The following SLC26A3 variants were observed in gnomAD, a reference collection of about 807,000 sequenced individuals.
The protein encoded by SLC26A3 is chloride anion exchanger.
Under a neutral mutation model 85.6 loss-of-function variants are expected in SLC26A3, and 64 were observed. The observed-to-expected ratio is 0.75, with a 90% CI of 0.61 to 0.92. SLC26A3 has a LOEUF of 0.92. Ranked by LOEUF, SLC26A3 falls within the 40% of genes least tolerant of loss-of-function variation. SLC26A3 has a pLI of 0.00. For synonymous variants in SLC26A3, 349 were observed against 336.0 expected, an observed-to-expected ratio of 1.04 and a Z score of -0.42; for missense variants, 922 against 927.3, an observed-to-expected ratio of 0.99 and a Z score of 0.07.
At chr7:107,770,547 C>T (rs1354723245) in intron 18 of SLC26A3, among the ~76,000 whole-genome samples, 3 of 151,988 alleles carry the variant, frequency 2.0e-5, no homozygotes, top group South Asian at 2.1e-4. Flanking sequence ...CATGAGCCAC[C>T]GCTCCCAGCC....
chr7:107,774,799 T>C lies in SLC26A3; in HGVS notation c.1751A>G (p.Gln584Arg), dbSNP rs750139993. Residue 584 changes from glutamine (Q) to arginine (R), a missense_variant, in exon 16 of 21, where the codon CAA (glutamine) becomes CGA (arginine). Gln to Arg is a conservative substitution (Grantham distance 43, BLOSUM62 1). Coordinates refer to ENST00000340010, the MANE Select transcript of SLC26A3 (RefSeq NM_000111.3). ...ALRKIRKLQKQGLLQVTPKGF... is the reference protein window; with the variant it reads ...ALRKIRKLQKRGLLQVTPKGF... ...TACTGGTGTCACTTGTAGCAAGCCT[T>C]GCTTCTGCAGTTTTCGGATTTTCCT... The C allele has an allele frequency of 6.2e-7, 1 of 1,614,118 alleles. No homozygotes were observed. The highest frequency in any genetic ancestry group is 1.3e-5 in the African/African-American group (1 of 75,074).
chr7:107,776,375 A>G (rs1794115114), intron 15 of SLC26A3, 77 bp downstream of exon 15: 1 of 1,212,202 alleles, frequency 8.2e-7, no homozygotes, highest in African/African-American at 1.5e-5. Flanking sequence ...AGTCTCAACA[A>G]TGACCTTACA....
intron 11 of SLC26A3, 60 bp downstream of exon 11, chr7:107,782,737 A>C: frequency 6.7e-7 from 1 of 1,482,300 alleles, no homozygotes; most frequent in Non-Finnish European, 9.4e-7. Flanking sequence ...TTCAGAATTT[A>C]AGAACCGGGG....
intron 20 of SLC26A3, among the ~76,000 whole-genome samples, chr7:107,766,388 A>G (rs550695603): frequency 6.6e-6 from 1 of 152,260 alleles, no homozygotes; most frequent in South Asian, 2.1e-4. Flanking sequence ...TTCTGAATAC[A>G]ATTACTGAGG....
In SLC26A3 at chr7:107,794,742, C is replaced by T. The variant is rs2237680; in HGVS notation, c.-88-145G>A. The T allele has an allele frequency of 0.4, 208,402 of 515,160 alleles. 43,778 individuals are homozygous for T. The highest frequency in any genetic ancestry group is 0.52 in the African/African-American group (27,223 of 52,046). 31.9% of individuals were successfully genotyped at this position (515,160 alleles called of 1,614,324 possible). A position where few individuals can be genotyped will look rare whatever the true frequency, so the allele number is the denominator to read the frequency against. On this transcript the variant is annotated intron_variant, in intron 1 of 20. Transcript: ENST00000340010. ...GGACCTAGATTGTGTTTTGCGACAG[C>T]GATGTTTTATTCCAGTGAGCTGGAC...
intron 3 of SLC26A3, 46 bp downstream of exon 3, chr7:107,793,696 A>G: frequency 2.8e-6 from 4 of 1,424,938 alleles, no homozygotes; most frequent in Non-Finnish European, 3.9e-6. Flanking sequence ...ACACATTCAG[A>G]GGAAGAATTT....
intron 18 of SLC26A3, among the ~76,000 whole-genome samples, chr7:107,771,527 G>A (rs145301975): frequency 6.6e-6 from 1 of 152,288 alleles, no homozygotes; most frequent in East Asian, 1.9e-4. Context: ...TTGAGAGGTA[G>A]GAGGTGAATA....
intron 1 of SLC26A3, among the ~76,000 whole-genome samples, chr7:107,800,564 T>C (rs572317822): frequency 6.6e-6 from 1 of 152,400 alleles, no homozygotes; most frequent in Admixed American, 6.5e-5. Flanking sequence ...TGTTTATGTT[T>C]CTGTTCCCTT....
At chr7:107,792,212 A>T (rs1415450986) in intron 3 of SLC26A3, among the ~76,000 whole-genome samples, 2 of 152,170 alleles carry the variant, frequency 1.3e-5, no homozygotes, top group Non-Finnish European at 2.9e-5. Flanking sequence ...GGCACCAGAG[A>T]CTGGTTTTGT....
intron 5 of SLC26A3, 95 bp downstream of exon 5, chr7:107,790,953 T>G: frequency 7.8e-7 from 1 of 1,288,362 alleles, no homozygotes. Context: ...AAAGGGAAGA[T>G]GGGGAGGAGT....
intron 8 of SLC26A3, among the ~76,000 whole-genome samples, chr7:107,783,927 G>A (rs1009918052): frequency 6.6e-6 from 1 of 152,208 alleles, no homozygotes; most frequent in Non-Finnish European, 1.5e-5. Flanking sequence ...ATATATGTCA[G>A]AGAAACCTTC....
At chr7:107,771,643 C>A (rs762438293) in intron 18 of SLC26A3, among the ~76,000 whole-genome samples, 45 of 152,080 alleles carry the variant, frequency 3.0e-4, no homozygotes, top group South Asian at 8.3e-4. Flanking sequence ...GAGATGAAGG[C>A]CGTTAATCCT....
intron 8 of SLC26A3, among the ~76,000 whole-genome samples, chr7:107,786,033 AT>A (rs1794289042): frequency 6.6e-6 from 1 of 152,202 alleles, no homozygotes; most frequent in Non-Finnish European, 1.5e-5. Context: ...ACATTTTAAA[AT>A]TCTTGTACAA....
chr7:107,780,369 A>G (rs1794197651), intron 11 of SLC26A3, among the ~76,000 whole-genome samples: 1 of 152,212 alleles, frequency 6.6e-6, no homozygotes, highest in African/African-American at 2.4e-5. Flanking sequence ...GGCCAGTACT[A>G]ATCCCTACAG....
chr7:107,794,999 C>G (rs1247931000), intron 1 of SLC26A3, among the ~76,000 whole-genome samples: 1 of 151,974 alleles, frequency 6.6e-6, no homozygotes, highest in Non-Finnish European at 1.5e-5. Flanking sequence ...TCCAATTTAC[C>G]CAACAGAATT....
chr7:107,766,841 A>T (rs1350839784), intron 20 of SLC26A3, among the ~76,000 whole-genome samples: 2 of 149,150 alleles, frequency 1.3e-5, no homozygotes, highest in Non-Finnish European at 3.0e-5. Context: ...TTGGTATGTG[A>T]CCTCAAGCAG....
intron 11 of SLC26A3, among the ~76,000 whole-genome samples, chr7:107,781,508 C>T (rs1050868681): frequency 6.6e-6 from 1 of 152,004 alleles, no homozygotes. Flanking sequence ...AGTTTACACC[C>T]GGGGAGAAGC....
rs202020458 is a variant in SLC26A3 at position 107,793,752 on chromosome 7, G to A, written c.261C>T (p.Ala87=). ...TAAAAAAAATTTTACCTTGTAGTAC[G>A]GCCACAATCCCTGTGCTGATACCAG... is the stretch of plus-strand genomic sequence containing the variant. ...IVSGISTGIV[A]VLQGLAFALL... Residue 87 remains alanine (A), a synonymous_variant, in exon 3 of 21, where the codon GCC becomes GCT. Coordinates refer to ENST00000340010, the MANE Select transcript of SLC26A3 (RefSeq NM_000111.3). 8.7e-6 allele frequency: 14 copies of A among 1,613,564 alleles called. No homozygotes were observed. In the African/African-American group the frequency reaches 1.5e-4, roughly 17 times the overall value.
In SLC26A3 at chr7:107,793,767, G is replaced by T; in HGVS notation, c.246C>A (p.Ser82Arg). The change falls in exon 3 of 21, where the codon AGC (serine) becomes AGA (arginine). Residue 82 changes from serine (S) to arginine (R), a missense_variant. Coordinates refer to ENST00000340010, the MANE Select transcript of SLC26A3 (RefSeq NM_000111.3). ...WLLSDIVSGI[S>R]TGIVAVLQGL... is the part of the protein sequence containing the mutation. The stretch of plus-strand genomic sequence containing the variant: ...CTTGTAGTACGGCCACAATCCCTGT[G>T]CTGATACCAGAAACAATATCACTGA... 6.2e-7 allele frequency: 1 copy of T among 1,614,056 alleles called. No homozygotes were observed. The highest frequency in any genetic ancestry group is 8.5e-7 in the Non-Finnish European group (1 of 1,179,966).
Sources: gnomAD v4.1 joint callset for allele counts (sites outside exome capture counted in the v4.1 genomes callset) on GRCh38, gnomAD v4.1.1 for gene constraint, MANE v1.5 for transcripts, NCBI Gene and HGNC (gene_info 2026-07-23, HGNC 2026-07-21) for gene names.